HMBOX1: variants seen among roughly 807,000 people sequenced by gnomAD.
HMBOX1 encodes the protein homeobox-containing protein 1.
In HMBOX1, 14 loss-of-function variants were observed where a neutral mutation model predicts 54.5. The observed-to-expected ratio is 0.26, with a 90% CI of 0.17 to 0.40. The LOEUF is 0.40. Ranked by LOEUF, HMBOX1 falls within the 10% of genes least tolerant of loss-of-function variation. The pLI is 1.00. For synonymous variants in HMBOX1, 160 were observed against 181.0 expected, an observed-to-expected ratio of 0.88 and a Z score of 0.93; for missense variants, 332 against 514.4, an observed-to-expected ratio of 0.65 and a Z score of 3.43.
intron 4 of HMBOX1, 123 bp from the exon 5 acceptor site, chr8:29,008,947 GGT>G: frequency 1.6e-6 from 1 of 632,426 alleles, no homozygotes. Context: ...AGTTTGCTCA[GGT>G]TGCAACTTCC....
chr8:28,971,621 A>G (rs1827434174), intron 3 of HMBOX1, among the ~76,000 whole-genome samples: 1 of 152,356 alleles, frequency 6.6e-6, no homozygotes, highest in African/African-American at 2.4e-5. Flanking sequence ...TTAAGGGAAT[A>G]GTAAAGGGTA....
intron 1 of HMBOX1, among the ~76,000 whole-genome samples, chr8:28,962,016 C>T (rs370358115): frequency 1.3e-5 from 2 of 150,632 alleles, no homozygotes; most frequent in Non-Finnish European, 2.9e-5. Flanking sequence ...TCAAGTAATC[C>T]TCCTGCCTCA....
chr8:28,956,428 T>A (rs1045230672), intron 1 of HMBOX1, among the ~76,000 whole-genome samples: 9 of 152,148 alleles, frequency 5.9e-5, no homozygotes, highest in African/African-American at 2.2e-4. Context: ...AATTTTGTTG[T>A]AGATGTATTA....
intron 1 of HMBOX1, among the ~76,000 whole-genome samples, chr8:28,923,130 C>T (rs919054913): frequency 1.3e-5 from 2 of 152,170 alleles, no homozygotes; most frequent in East Asian, 1.9e-4. Context: ...AGTTTTTCAT[C>T]TAGGGTTCAG....
chr8:28,912,438 A>G (rs150333322), intron 1 of HMBOX1, among the ~76,000 whole-genome samples: 98 of 152,302 alleles, frequency 6.4e-4, no homozygotes, highest in Middle Eastern at 3.4e-3. Flanking sequence ...TTTCTCATCT[A>G]TAGACAATAT....
At chr8:29,006,774 G>GC (rs775514323) in intron 4 of HMBOX1, among the ~76,000 whole-genome samples, 12 of 152,252 alleles carry the variant, frequency 7.9e-5, no homozygotes, top group Non-Finnish European at 1.2e-4. Flanking sequence ...CTGTTGTCTA[G>GC]CGAGCTCTGA....
intron 4 of HMBOX1, among the ~76,000 whole-genome samples, chr8:29,006,881 T>C (rs185542859): frequency 1.1e-4 from 17 of 152,270 alleles, no homozygotes; most frequent in Admixed American, 7.2e-4. Context: ...TTTTCTCAAG[T>C]TTTCTGTTTT....
At chr8:28,950,943 A>G (rs1248007235) in intron 1 of HMBOX1, among the ~76,000 whole-genome samples, 1 of 152,236 alleles carries the variant, frequency 6.6e-6, no homozygotes, top group East Asian at 1.9e-4. Context: ...CTATTATAGT[A>G]AATTCTAGAG....
At chr8:29,009,004 CA>C in intron 4 of HMBOX1, 67 bp from the exon 5 acceptor site, 2 of 1,285,436 alleles carry the variant, frequency 1.6e-6, no homozygotes, top group Non-Finnish European at 2.2e-6. Flanking sequence ...AACCTAGAAC[CA>C]AAAGATCCTT....
At position 28,903,462 on chromosome 8, in the gene HMBOX1, C is replaced by A. The variant is rs184305411; in HGVS notation, c.-58+12784C>A. Among the ~76,000 whole-genome samples, 530 of 152,332 alleles carry A rather than the reference C, an allele frequency of 3.5e-3. 3 individuals are homozygous for A. The highest frequency in any genetic ancestry group is 0.012 in the African/African-American group (505 of 41,568). ...CTTTCTCCTCGTGCCACTATTCCAA[C>A]CATCTGAGAATTGTTTCTTGCATCT... On this transcript the variant is annotated intron_variant, in intron 1 of 9. Coordinates refer to ENST00000287701, the MANE Select transcript of HMBOX1 (RefSeq NM_001135726.3).
chr8:28,980,878 A>G (rs1829223841), intron 4 of HMBOX1, among the ~76,000 whole-genome samples: 1 of 152,124 alleles, frequency 6.6e-6, no homozygotes, highest in Non-Finnish European at 1.5e-5. Flanking sequence ...TTTCAACTAC[A>G]TTTTGTAGTT....
At chr8:29,044,849 C>G (rs776924267) in intron 6 of HMBOX1, among the ~76,000 whole-genome samples, 31 of 152,028 alleles carry the variant, frequency 2.0e-4, no homozygotes, top group Middle Eastern at 3.2e-3. Flanking sequence ...TATAGATATC[C>G]CATAATTTGT....
At chr8:28,913,395 A>G (rs1327821535) in intron 1 of HMBOX1, among the ~76,000 whole-genome samples, 1 of 152,100 alleles carries the variant, frequency 6.6e-6, no homozygotes, top group Non-Finnish European at 1.5e-5. Context: ...GTTACCCCAC[A>G]TGCTGTTCTC....
chr8:28,901,483 AT>A (rs1813220184), intron 1 of HMBOX1, among the ~76,000 whole-genome samples: 1 of 151,868 alleles, frequency 6.6e-6, no homozygotes, highest in South Asian at 2.1e-4. Flanking sequence ...TGATCTGCTG[AT>A]TCTTTCACCC....
At chr8:28,974,498 ATTC>A (rs1483111501) in intron 3 of HMBOX1, among the ~76,000 whole-genome samples, 2 of 152,136 alleles carry the variant, frequency 1.3e-5, no homozygotes, top group African/African-American at 4.8e-5. Flanking sequence ...TAAGGATATT[ATTC>A]TTAACAACCC....
At chr8:29,030,382 G>C (rs1444808997) in intron 6 of HMBOX1, among the ~76,000 whole-genome samples, 1 of 151,728 alleles carries the variant, frequency 6.6e-6, no homozygotes, top group Non-Finnish European at 1.5e-5. Context: ...CCCAGGCCCA[G>C]CTAATTTTGT....
chr8:28,952,972 A>G (rs1382768819), intron 1 of HMBOX1, among the ~76,000 whole-genome samples: 1 of 152,218 alleles, frequency 6.6e-6, no homozygotes, highest in African/African-American at 2.4e-5. Flanking sequence ...CTACTATAGC[A>G]GAACTACAGT....
intron 1 of HMBOX1, among the ~76,000 whole-genome samples, chr8:28,955,158 A>G (rs1331904118): frequency 1.3e-5 from 2 of 152,056 alleles, no homozygotes; most frequent in Non-Finnish European, 2.9e-5. Context: ...ATATATATAT[A>G]TTTGTTACAT....
At chr8:28,977,082 G>C (rs112560935) in intron 3 of HMBOX1, among the ~76,000 whole-genome samples, 2 of 152,260 alleles carry the variant, frequency 1.3e-5, no homozygotes, top group African/African-American at 4.8e-5. Context: ...GCTACTGTTT[G>C]ACAGATTTTT....
Sources: allele counts gnomAD v4.1 joint callset (sites outside exome capture counted in the v4.1 genomes callset), GRCh38; gene constraint gnomAD v4.1.1; transcripts MANE v1.5; gene names NCBI Gene and HGNC (gene_info 2026-07-23, HGNC 2026-07-21).